Variants in ST6GALNAC3 observed in about 807,000 individuals in gnomAD.
ST6GALNAC3 encodes the protein alpha-N-acetylgalactosaminide alpha-2,6-sialyltransferase 3.
Under a neutral mutation model 32.7 loss-of-function variants are expected in ST6GALNAC3, and 25 were observed. The observed-to-expected ratio is 0.76, with a 90% confidence interval of 0.56 to 1.07. The LOEUF (loss-of-function observed/expected upper bound fraction) is 1.07, where lower values mean the gene tolerates loss of function less well. Among genes scored for constraint, ST6GALNAC3 ranks in the 50% least tolerant of loss-of-function variants. The pLI is 0.00. For missense variants in ST6GALNAC3, 355 were observed against 382.4 expected, an observed-to-expected ratio of 0.93 and a Z score of 0.60; for synonymous variants, 129 against 133.1, an observed-to-expected ratio of 0.97 and a Z score of 0.21.
chr1:76,288,565 G>A (rs1336093633), intron 1 of ST6GALNAC3, among the ~76,000 whole-genome samples: 2 of 152,238 alleles, frequency 1.3e-5, no homozygotes, highest in Non-Finnish European at 2.9e-5. Flanking sequence ...AAGAAGTTCA[G>A]ATGGGTGGTG....
At chr1:76,355,148 AT>A (rs1428398221) in intron 2 of ST6GALNAC3, among the ~76,000 whole-genome samples, 2 of 151,894 alleles carry the variant, frequency 1.3e-5, no homozygotes, top group East Asian at 3.9e-4. Context: ...CAATGGATTA[AT>A]TTTTTTTCTC....
At chr1:76,578,637 A>T (rs1646846920) in intron 3 of ST6GALNAC3, among the ~76,000 whole-genome samples, 1 of 152,048 alleles carries the variant, frequency 6.6e-6, no homozygotes, top group Non-Finnish European at 1.5e-5. Flanking sequence ...AGGCTAAAAT[A>T]AACCTAGACA....
At chr1:76,399,202 G>T (rs547551930) in intron 2 of ST6GALNAC3, among the ~76,000 whole-genome samples, 2 of 152,110 alleles carry the variant, frequency 1.3e-5, no homozygotes, top group Non-Finnish European at 2.9e-5. Context: ...CATTTTATCA[G>T]TCTTTTCTTC....
chr1:76,605,104 CAGGTGATAGACAGCCTGTTA>C (rs1647436553), intron 3 of ST6GALNAC3, among the ~76,000 whole-genome samples: 1 of 152,124 alleles, frequency 6.6e-6, no homozygotes, highest in South Asian at 2.1e-4. Flanking sequence ...AGACTCTATA[CAGGTGATAGACAGCCTGTTA>C]AGGTGATAGA....
chr1:76,272,273 A>G (rs189057105), intron 1 of ST6GALNAC3, among the ~76,000 whole-genome samples: 49 of 147,254 alleles, frequency 3.3e-4, no homozygotes, highest in Admixed American at 1.2e-3. Flanking sequence ...CAGTGAGCCG[A>G]GATCGCGCCA....
At chr1:76,483,113 C>G (rs1167733589) in intron 3 of ST6GALNAC3, among the ~76,000 whole-genome samples, 1 of 152,126 alleles carries the variant, frequency 6.6e-6, no homozygotes, top group Non-Finnish European at 1.5e-5. Flanking sequence ...TTTTCTTAAT[C>G]CAGTCTATCA....
chr1:76,158,868 G>A (rs1013543669), intron 1 of ST6GALNAC3, among the ~76,000 whole-genome samples: 1 of 152,160 alleles, frequency 6.6e-6, no homozygotes, highest in Non-Finnish European at 1.5e-5. Context: ...GGTGGAAATG[G>A]CATCCACATT....
chr1:76,358,656 T>A (rs1649687295), intron 2 of ST6GALNAC3, among the ~76,000 whole-genome samples: 1 of 152,150 alleles, frequency 6.6e-6, no homozygotes, highest in African/African-American at 2.4e-5. Flanking sequence ...CCATGGTGAT[T>A]TTTTGAAATG....
At chr1:76,322,768 T>A (rs1245459535) in intron 2 of ST6GALNAC3, among the ~76,000 whole-genome samples, 1 of 149,970 alleles carries the variant, frequency 6.7e-6, no homozygotes, top group Non-Finnish European at 1.5e-5. Flanking sequence ...CCCACAAGTT[T>A]GGGAAATAGT....
chr1:76,615,414 A>G (rs1475140687), intron 3 of ST6GALNAC3, among the ~76,000 whole-genome samples: 2 of 152,084 alleles, frequency 1.3e-5, no homozygotes, highest in Non-Finnish European at 2.9e-5. Flanking sequence ...AATTCTGTTC[A>G]TCCACGCCTG....
At chr1:76,357,130 C>CTTTTTTTTTTTTTTTTTCTTTTTT (rs55786044) in intron 2 of ST6GALNAC3, among the ~76,000 whole-genome samples, 1 of 111,176 alleles carries the variant, frequency 9.0e-6, no homozygotes, top group Non-Finnish European at 1.7e-5. Flanking sequence ...TTTTCTTTTT[C>CTTTTTTTTTTTTTTTTTCTTTTTT]TTTTTTTTTT....
At chr1:76,505,315 G>A (rs1304591637) in intron 3 of ST6GALNAC3, among the ~76,000 whole-genome samples, 4 of 151,986 alleles carry the variant, frequency 2.6e-5, no homozygotes, top group Non-Finnish European at 4.4e-5. Context: ...CTAGAGATGG[G>A]GTTTCACCAT....
chr1:76,259,407 G>T (rs1658100108), intron 1 of ST6GALNAC3, among the ~76,000 whole-genome samples: 1 of 152,122 alleles, frequency 6.6e-6, no homozygotes, highest in Middle Eastern at 3.2e-3. Flanking sequence ...ATCTTTCTGT[G>T]TCCTCGTTTC....
At chr1:76,090,263 A>G (rs1647026170) in intron 1 of ST6GALNAC3, among the ~76,000 whole-genome samples, 1 of 152,240 alleles carries the variant, frequency 6.6e-6, no homozygotes, top group Non-Finnish European at 1.5e-5. Context: ...CTTTTCTTTG[A>G]TGTTAAGAAC....
chr1:76,525,553 C>G (rs1323698290), intron 3 of ST6GALNAC3, among the ~76,000 whole-genome samples: 1 of 151,438 alleles, frequency 6.6e-6, no homozygotes, highest in African/African-American at 2.4e-5. Flanking sequence ...GTTGTTTTGG[C>G]AGAATTTCAA....
At chr1:76,360,010 TTTGATGAATGTTTAAAGAAAGA>T (rs1428854083) in intron 2 of ST6GALNAC3, among the ~76,000 whole-genome samples, 1 of 152,078 alleles carries the variant, frequency 6.6e-6, no homozygotes, top group Non-Finnish European at 1.5e-5. Context: ...CCACAGTCGC[TTTGATGAATGTTTAAAGAAAGA>T]AATTGGTAAC....
intron 1 of ST6GALNAC3, among the ~76,000 whole-genome samples, chr1:76,281,460 G>C (rs1659494486): frequency 1.3e-5 from 2 of 152,202 alleles, no homozygotes; most frequent in African/African-American, 4.8e-5. Context: ...AGCCTGCTGG[G>C]GAGTGTGTGG....
chr1:76,515,216 A>C (rs542693446), intron 3 of ST6GALNAC3, among the ~76,000 whole-genome samples: 16 of 151,984 alleles, frequency 1.1e-4, no homozygotes, highest in African/African-American at 3.9e-4. Context: ...ATCTGTCCAA[A>C]TTTTCAGTTT....
intron 2 of ST6GALNAC3, among the ~76,000 whole-genome samples, chr1:76,345,292 A>G (rs1648408677): frequency 6.6e-6 from 1 of 152,166 alleles, no homozygotes; most frequent in South Asian, 2.1e-4. Context: ...TTTTACTCAT[A>G]GAAAGCAGAA....
Sources: gnomAD v4.1 joint callset for allele counts (sites outside exome capture counted in the v4.1 genomes callset) on GRCh38, gnomAD v4.1.1 for gene constraint, MANE v1.5 for transcripts, NCBI Gene and HGNC (gene_info 2026-07-23, HGNC 2026-07-21) for gene names.